The following BMPR1B variants were observed in gnomAD, a reference collection of about 807,000 sequenced individuals.
BMPR1B encodes bone morphogenetic protein receptor type-1B.
BMPR1B carries 12 observed loss-of-function variants against 59.1 expected under a neutral mutation model. The ratio of observed to expected loss-of-function variants is 0.20; its 90% confidence interval spans 0.13 to 0.33. BMPR1B has a LOEUF of 0.33. BMPR1B is among the 10% of genes least tolerant of loss of function. The pLI is 1.00. For missense variants in BMPR1B, 550 were observed against 610.9 expected, an observed-to-expected ratio of 0.90 and a Z score of 1.05; for synonymous variants, 237 against 207.3, an observed-to-expected ratio of 1.14 and a Z score of -1.23.
intron 1 of BMPR1B, among the ~76,000 whole-genome samples, chr4:94,796,067 C>A (rs376838833): frequency 6.6e-6 from 1 of 151,626 alleles, no homozygotes; most frequent in Non-Finnish European, 1.5e-5. Context: ...TGGGTTCAAG[C>A]GATTCTACTG....
intron 2 of BMPR1B, among the ~76,000 whole-genome samples, chr4:94,884,142 A>G (rs982095064): frequency 2.6e-5 from 4 of 152,182 alleles, no homozygotes; most frequent in Non-Finnish European, 2.9e-5. Flanking sequence ...GTAATGATCT[A>G]ACTTCCTCAA....
intron 2 of BMPR1B, among the ~76,000 whole-genome samples, chr4:94,957,605 A>G (rs946979263): frequency 2.6e-5 from 4 of 151,498 alleles, no homozygotes; most frequent in Non-Finnish European, 2.9e-5. Flanking sequence ...CCACCTTTCT[A>G]CTGTTCCTTT....
At chr4:94,880,019 T>C (rs939072144) in intron 2 of BMPR1B, among the ~76,000 whole-genome samples, 1 of 152,172 alleles carries the variant, frequency 6.6e-6, no homozygotes, top group Non-Finnish European at 1.5e-5. Context: ...CAAAATATTT[T>C]TATGGAACAT....
At chr4:94,865,097 C>T (rs1283986745) in intron 1 of BMPR1B, among the ~76,000 whole-genome samples, 1 of 151,370 alleles carries the variant, frequency 6.6e-6, no homozygotes. Flanking sequence ...GCAACCTCCA[C>T]CTCCTGGGTT....
At chr4:94,902,243 CACACACAGAGAGAGAGAGAGAGAGAG>C (rs1346369113) in intron 2 of BMPR1B, among the ~76,000 whole-genome samples, 5 of 97,334 alleles carry the variant, frequency 5.1e-5, no homozygotes, top group African/African-American at 1.8e-4. Flanking sequence ...CACACACACA[CACACACAGAGAGAGAGAGAGAGAGAG>C]AGAGAGAGAG....
intron 2 of BMPR1B, among the ~76,000 whole-genome samples, chr4:94,892,808 A>G (rs1727450260): frequency 1.3e-5 from 2 of 152,070 alleles, no homozygotes; most frequent in African/African-American, 4.8e-5. Context: ...ACAATTTATT[A>G]GGTAAGCTTC....
At chr4:94,823,509 C>G (rs1724277238) in intron 1 of BMPR1B, among the ~76,000 whole-genome samples, 1 of 152,070 alleles carries the variant, frequency 6.6e-6, no homozygotes, top group South Asian at 2.1e-4. Flanking sequence ...GAAAGTGATT[C>G]TGAGAGACAA....
At chr4:94,827,833 A>G (rs1435448579) in intron 1 of BMPR1B, among the ~76,000 whole-genome samples, 5 of 152,226 alleles carry the variant, frequency 3.3e-5, no homozygotes, top group Non-Finnish European at 5.9e-5. Flanking sequence ...GATGAGTATA[A>G]AAGTTTTCAT....
intron 3 of BMPR1B, among the ~76,000 whole-genome samples, chr4:95,033,466 A>G (rs761081992): frequency 1.3e-5 from 2 of 152,048 alleles, no homozygotes; most frequent in Non-Finnish European, 2.9e-5. Context: ...TAATTTTTCC[A>G]TTATGGTATA....
At chr4:94,977,992 A>G (rs538811626) in intron 2 of BMPR1B, among the ~76,000 whole-genome samples, 1 of 152,282 alleles carries the variant, frequency 6.6e-6, no homozygotes, top group East Asian at 1.9e-4. Context: ...TTTCTAGTAC[A>G]TAACAAGAAT....
intron 1 of BMPR1B, among the ~76,000 whole-genome samples, chr4:94,831,275 A>G (rs1426557513): frequency 6.6e-6 from 1 of 152,034 alleles, no homozygotes; most frequent in Non-Finnish European, 1.5e-5. Flanking sequence ...TTATAGAATA[A>G]GGATATAATG....
At chr4:94,990,167 C>T (rs1177851348) in intron 2 of BMPR1B, among the ~76,000 whole-genome samples, 1 of 152,044 alleles carries the variant, frequency 6.6e-6, no homozygotes, top group Non-Finnish European at 1.5e-5. Context: ...ACCAGCCTGG[C>T]CAATATGGTG....
At chr4:94,887,403 C>CAAAAAAAAA (rs57818132) in intron 2 of BMPR1B, among the ~76,000 whole-genome samples, 75 of 54,738 alleles carry the variant, frequency 1.4e-3, no homozygotes, top group African/African-American at 1.9e-3. Context: ...CACCCCCCAC[C>CAAAAAAAAA]AAAAAAAAAA....
chr4:94,864,724 G>A (rs1348382761), intron 1 of BMPR1B, among the ~76,000 whole-genome samples: 1 of 151,980 alleles, frequency 6.6e-6, no homozygotes, highest in Non-Finnish European at 1.5e-5. Flanking sequence ...CCAATACAAC[G>A]TAAATGTTAT....
intron 1 of BMPR1B, among the ~76,000 whole-genome samples, chr4:94,858,250 A>G (rs1725847424): frequency 6.6e-6 from 1 of 152,112 alleles, no homozygotes; most frequent in Non-Finnish European, 1.5e-5. Context: ...GTGCCTGGCC[A>G]ATACACCAAA....
At chr4:95,070,272 A>G (rs998590234) in intron 3 of BMPR1B, among the ~76,000 whole-genome samples, 15 of 152,164 alleles carry the variant, frequency 9.9e-5, no homozygotes, top group Non-Finnish European at 1.6e-4. Flanking sequence ...TAACGTCATC[A>G]ATGGTGAGAG....
intron 3 of BMPR1B, among the ~76,000 whole-genome samples, chr4:95,011,472 G>A (rs977158024): frequency 6.6e-6 from 1 of 152,094 alleles, no homozygotes; most frequent in Non-Finnish European, 1.5e-5. Context: ...CATCTTCGGT[G>A]ACACATATGG....
At chr4:94,792,824 G>T (rs1339226687) in intron 1 of BMPR1B, among the ~76,000 whole-genome samples, 10 of 152,174 alleles carry the variant, frequency 6.6e-5, no homozygotes, top group Admixed American at 6.5e-4. Flanking sequence ...CCTTTACATA[G>T]TGTTCACCAA....
chr4:95,033,085 A>C (rs1178571591), intron 3 of BMPR1B, among the ~76,000 whole-genome samples: 1 of 152,110 alleles, frequency 6.6e-6, no homozygotes, highest in Non-Finnish European at 1.5e-5. Context: ...TCGTGAGCAT[A>C]TTGGCAGTTC....
Sources: gnomAD v4.1 joint callset for allele counts (sites outside exome capture counted in the v4.1 genomes callset) on GRCh38, gnomAD v4.1.1 for gene constraint, MANE v1.5 for transcripts, NCBI Gene and HGNC (gene_info 2026-07-23, HGNC 2026-07-21) for gene names.